The following SNX29 variants were observed in gnomAD, a reference collection of about 807,000 sequenced individuals.
SNX29 encodes sorting nexin-29.
A neutral mutation model predicts 102.1 loss-of-function variants in SNX29; 78 were observed. The observed-to-expected ratio is 0.76, with a 90% CI of 0.64 to 0.92. The LOEUF (loss-of-function observed/expected upper bound fraction) is 0.92. Among genes scored for constraint, SNX29 ranks in the 40% least tolerant of loss-of-function variants. SNX29 has a pLI of 0.00. For synonymous variants in SNX29, 580 were observed against 414.5 expected (o/e 1.40, Z -4.85); for missense variants, 1,280 against 1,061.7 (o/e 1.21, Z -2.86).
In SNX29 at chr16:12,477,581, C is replaced by T. The variant is rs2087714174; in HGVS notation, c.2038-138C>T. On this transcript the variant is annotated intron_variant, in intron 18 of 20. Transcript: ENST00000566228. ...GCACTAATAAATCCCTGCTCTATGC[C>T]AGGAACTGGGCATCCAGTGGTGTGT... The T allele has an allele frequency of 9.1e-6, 9 of 989,828 alleles. No individual in the cohort carries two copies. The East Asian group carries it at 2.3e-4, about 25-fold the overall frequency. The allele number at this position is 989,828 out of a possible 1,614,324, so 61.3% of individuals were successfully genotyped here.
chr16:12,135,435 C>A, intron 13 of SNX29: 1 of 1,104,142 alleles, frequency 9.1e-7, no homozygotes, highest in Non-Finnish European at 1.2e-6. Flanking sequence ...AGTTGGGTTG[C>A]TCCATCCATG....
At position 12,051,978 on chromosome 16, in the gene SNX29, G is replaced by C. The variant is rs2151218936; in HGVS notation, c.880G>C (p.Asp294His). The stretch of plus-strand genomic sequence containing the variant: ...ACCTGGGGCAGGGGAGAGCTCAGAG[G>C]ACAACTCCGACCGCTCCTCTGTCAA... ...KTPGAGESSE[D>H]NSDRSSVNIM... Residue 294 changes from aspartate to histidine, a missense_variant, in exon 8 of 21, where the codon GAC (aspartate) becomes CAC (histidine). Physicochemically the swap from Asp to His is moderately conservative, Grantham distance 81 (BLOSUM62 -1). Transcript: ENST00000566228. 1.2e-6 allele frequency: 2 copies of C among 1,613,900 alleles called. No homozygotes were observed. Among genetic ancestry groups the C allele is most frequent in the Non-Finnish European group, 1.7e-6 (2 of 1,179,852 alleles).
At chr16:12,422,452 A>G (rs2084910042) in intron 18 of SNX29, among the ~76,000 whole-genome samples, 1 of 152,196 alleles carries the variant, frequency 6.6e-6, no homozygotes, top group Non-Finnish European at 1.5e-5. Context: ...TGTTACTTCG[A>G]CAGTCTAGCA....
intron 18 of SNX29, among the ~76,000 whole-genome samples, chr16:12,465,628 C>T (rs1478724960): frequency 6.6e-6 from 1 of 152,142 alleles, no homozygotes; most frequent in African/African-American, 2.4e-5. Flanking sequence ...AGTTTGAAAT[C>T]AGGGACTGTG....
chr16:12,062,246 G>T (rs2050806421), intron 9 of SNX29, among the ~76,000 whole-genome samples: 1 of 151,960 alleles, frequency 6.6e-6, no homozygotes, highest in African/African-American at 2.4e-5. Context: ...GGGTATGGTG[G>T]TGTGTGCCTG....
At chr16:12,151,293 T>C (rs572186998) in intron 13 of SNX29, among the ~76,000 whole-genome samples, 5 of 144,370 alleles carry the variant, frequency 3.5e-5, no homozygotes, top group Non-Finnish European at 6.3e-5. Context: ...AAAAAAATTA[T>C]CACCACACAC....
intron 16 of SNX29, among the ~76,000 whole-genome samples, chr16:12,361,093 G>A (rs757398775): frequency 6.6e-6 from 1 of 152,194 alleles, no homozygotes; most frequent in Non-Finnish European, 1.5e-5. Context: ...TTAGAGACTT[G>A]GGCAGCATCT....
intron 14 of SNX29, among the ~76,000 whole-genome samples, chr16:12,210,468 A>C (rs1280614762): frequency 6.7e-6 from 1 of 148,766 alleles, no homozygotes; most frequent in Non-Finnish European, 1.5e-5. Flanking sequence ...AGCTGGGAGC[A>C]CTGGTGTCCA....
At chr16:12,530,453 C>G (rs1387044644) in intron 20 of SNX29, among the ~76,000 whole-genome samples, 1 of 152,184 alleles carries the variant, frequency 6.6e-6, no homozygotes, top group African/African-American at 2.4e-5. Context: ...TACCCTTGCA[C>G]TCACTGTCAA....
intron 20 of SNX29, among the ~76,000 whole-genome samples, chr16:12,531,740 A>G (rs2076937867): frequency 6.6e-6 from 1 of 152,176 alleles, no homozygotes; most frequent in African/African-American, 2.4e-5. Context: ...ATGAGATGAA[A>G]AGGAAGCATT....
intron 20 of SNX29, among the ~76,000 whole-genome samples, chr16:12,546,976 A>C (rs937901494): frequency 1.8e-4 from 28 of 152,158 alleles, no homozygotes; most frequent in Non-Finnish European, 1.3e-4. Context: ...CCATTCCTCC[A>C]ATTAGTACTT....
intron 20 of SNX29, 96 bp from the exon 21 acceptor site, chr16:12,568,410 G>C: frequency 8.6e-6 from 13 of 1,518,898 alleles, no homozygotes; most frequent in East Asian, 2.3e-5. Flanking sequence ...TTGCCAATCA[G>C]ATCCCTCCTG....
At chr16:12,527,176 G>T (rs1223674919) in intron 20 of SNX29, 1 of 530,848 alleles carries the variant, frequency 1.9e-6, no homozygotes, top group Non-Finnish European at 3.7e-6. Context: ...AGCAGGATGG[G>T]ATTACAGGTC....
chr16:12,235,273 C>CTTCTGA (rs1360329394), intron 14 of SNX29, among the ~76,000 whole-genome samples: 1 of 152,132 alleles, frequency 6.6e-6, no homozygotes, highest in Non-Finnish European at 1.5e-5. Flanking sequence ...CCTTCACCAA[C>CTTCTGA]GTGCCCCAGA....
chr16:12,066,161 A>T (rs530984719), intron 9 of SNX29, among the ~76,000 whole-genome samples: 3 of 152,198 alleles, frequency 2.0e-5, no homozygotes, highest in South Asian at 2.1e-4. Flanking sequence ...TCCACTCTGC[A>T]TGTTGAGTCC....
Position 12,078,884 on chromosome 16 carries a change from T to C in SNX29, c.1371T>C (p.Pro457=), listed in dbSNP as rs1477009038. 1.9e-6 allele frequency: 3 copies of C among 1,606,310 alleles called. No homozygotes were observed. Among genetic ancestry groups the C allele is most frequent in the Non-Finnish European group, 2.5e-6 (3 of 1,176,692 alleles). The part of the protein sequence containing the change: ...GHGSPLSSLL[P]SASVPESMTI... Reference sequence around the variant, plus strand: ...GAAGTCCTCTGAGCAGCCTGTTACCTTCTGCCTCAGTGCCAGAGTCCATGA... The same window carrying C: ...GAAGTCCTCTGAGCAGCCTGTTACCCTCTGCCTCAGTGCCAGAGTCCATGA... The change falls in exon 11 of 21, where the codon CCT becomes CCC. Residue 457 remains proline (P), a synonymous_variant. Transcript: ENST00000566228.
intron 1 of SNX29, 81 bp from the exon 2 acceptor site, chr16:11,999,216 T>A (rs1220944731): frequency 1.6e-6 from 2 of 1,288,450 alleles, no homozygotes; most frequent in Admixed American, 1.9e-5. Context: ...TTGTTAAAGA[T>A]CAGTAGGAAA....
chr16:12,017,412 T>C (rs938308113), intron 3 of SNX29, among the ~76,000 whole-genome samples: 2 of 152,212 alleles, frequency 1.3e-5, no homozygotes, highest in Non-Finnish European at 2.9e-5. Context: ...GCTTGTCTTA[T>C]CCATTTGTAG....
rs561577518 is a variant in SNX29 at position 12,355,311 on chromosome 16, T to C, written c.1783-852T>C. Among the ~76,000 whole-genome samples, 10 of 152,318 alleles carry C rather than the reference T, an allele frequency of 6.6e-5. No individual in the cohort carries two copies. In the South Asian group the frequency reaches 2.1e-3, roughly 32 times the overall value. ...ACCCCTGTTTTTTCCACAGAGCTTC[T>C]CCCTGTATCCCTCCTTTACTCTGAC... is the stretch of plus-strand genomic sequence containing the variant. On this transcript the variant is annotated intron_variant, in intron 15 of 20. Transcript: ENST00000566228.
Sources: allele counts gnomAD v4.1 joint callset (sites outside exome capture counted in the v4.1 genomes callset), GRCh38; gene constraint gnomAD v4.1.1; transcripts MANE v1.5; gene names NCBI Gene and HGNC (gene_info 2026-07-23, HGNC 2026-07-21).